The following ANKDD1A variants were observed in gnomAD, a reference collection of about 807,000 sequenced individuals.
The protein encoded by ANKDD1A is ankyrin repeat and death domain containing 1A, also known as ankyrin repeat and death domain-containing protein 1A.
Under a neutral mutation model 63.5 loss-of-function variants are expected in ANKDD1A, and 59 were observed. That is an observed-to-expected ratio of 0.93 (90% CI 0.75 to 1.15). The LOEUF is 1.15. Ranked by LOEUF, ANKDD1A falls within the 50% of genes most tolerant of loss-of-function variation. The probability of loss-of-function intolerance (pLI) is 0.00; values close to 1 mark genes in which losing one functional copy is unlikely to be tolerated. For missense variants in ANKDD1A, 632 were observed against 656.4 expected (o/e 0.96, Z 0.41); for synonymous variants, 266 against 263.9 (o/e 1.01, Z -0.08).
rs140684706 is a variant in ANKDD1A, at chr15:64,931,530, C to G, written c.713C>G (p.Pro238Arg). ...ALHSAAGGSH[P>R]DCVQLLLRAG... The stretch of plus-strand genomic sequence containing the variant: ...CATTCGGCTGCTGGAGGATCCCACC[C>G]TGACTGTGTGCAGCTCCTCCTCAGG... The change falls in exon 8 of 15, where the codon CCT becomes CGT. Residue 238 changes from proline (P) to arginine (R), a missense_variant. Coordinates refer to ENST00000319580, the MANE Select transcript of ANKDD1A (RefSeq NM_182703.6). The G allele has an allele frequency of 3.7e-4, 599 of 1,614,008 alleles. No individual in the cohort carries two copies. Among genetic ancestry groups the G allele is most frequent in the Non-Finnish European group, 4.7e-4 (554 of 1,180,032 alleles).
intron 4 of ANKDD1A, among the ~76,000 whole-genome samples, chr15:64,923,814 G>A (rs2140367993): frequency 6.6e-6 from 1 of 152,338 alleles, no homozygotes; most frequent in African/African-American, 2.4e-5. Context: ...TGGCCCTGGG[G>A]AATCCAGTGC....
At chr15:64,945,896 T>C (rs2085219481) in intron 12 of ANKDD1A, among the ~76,000 whole-genome samples, 1 of 151,668 alleles carries the variant, frequency 6.6e-6, no homozygotes, top group Non-Finnish European at 1.5e-5. Context: ...CCTCCCAAAG[T>C]GCTGGGATTA....
In ANKDD1A at chr15:64,952,571, C is replaced by G. The variant is rs575477025; in HGVS notation, c.1483+2599C>G. Among the ~76,000 whole-genome samples the G allele has an allele frequency of 4.7e-4, 38 of 81,014 alleles. 1 individual carries two copies. The highest frequency in any genetic ancestry group is 8.8e-3 in the Middle Eastern group (1 of 114). The allele number at this position is 81,014 out of a possible 152,430, so 53.1% of individuals were successfully genotyped here. ...TCCTCCTTCCTTCTCCTTCGTTCTT[C>G]TTCTCCTTCTTTTCTTCTTCTTCCT... On this transcript the variant is annotated intron_variant, in intron 14 of 14. Transcript: ENST00000319580.
chr15:64,938,396 A>T (rs946756156), intron 9 of ANKDD1A, among the ~76,000 whole-genome samples: 1 of 152,184 alleles, frequency 6.6e-6, no homozygotes, highest in Non-Finnish European at 1.5e-5. Context: ...TACCCTTGAT[A>T]ATGGTGTGAT....
intron 14 of ANKDD1A, among the ~76,000 whole-genome samples, chr15:64,951,792 CTT>C (rs775763198): frequency 1.1e-4 from 13 of 114,780 alleles, no homozygotes; most frequent in South Asian, 8.2e-4. Context: ...CTTCTTCCTT[CTT>C]TCTTTCCTCT....
At chr15:64,951,158 A>C in intron 14 of ANKDD1A, 1 of 1,099,196 alleles carries the variant, frequency 9.1e-7, no homozygotes, top group Non-Finnish European at 1.1e-6. Context: ...AGTCATGCAG[A>C]GCCCAGGAGG....
At chr15:64,915,316 A>G (rs971234816) in intron 1 of ANKDD1A, among the ~76,000 whole-genome samples, 1 of 152,200 alleles carries the variant, frequency 6.6e-6, no homozygotes, top group African/African-American at 2.4e-5. Flanking sequence ...GTGGAGGAAC[A>G]AGGAGACGGA....
chr15:64,915,560 T>G (rs958667822), intron 1 of ANKDD1A, among the ~76,000 whole-genome samples: 5 of 152,152 alleles, frequency 3.3e-5, no homozygotes, highest in African/African-American at 1.2e-4. Flanking sequence ...TCTTCCATCT[T>G]CAGGGTTTCA....
At chr15:64,954,912 CTTCTCTCTCCTTCTT>C (rs2085402475) in intron 14 of ANKDD1A, among the ~76,000 whole-genome samples, 1 of 67,282 alleles carries the variant, frequency 1.5e-5, no homozygotes, top group African/African-American at 3.6e-5. Flanking sequence ...TCTCTTGTCT[CTTCTCTCTCCTTCTT>C]CTCCTTCTTC....
At chr15:64,953,419 CCTT>C (rs984296890) in intron 14 of ANKDD1A, among the ~76,000 whole-genome samples, 3 of 18,980 alleles carry the variant, frequency 1.6e-4, no homozygotes, top group African/African-American at 2.4e-4. Context: ...CCTCCTCCTC[CCTT>C]CTTCTTCCTC....
chr15:64,941,754 G>A (rs1352793173), intron 9 of ANKDD1A, among the ~76,000 whole-genome samples: 2 of 152,262 alleles, frequency 1.3e-5, no homozygotes, highest in Non-Finnish European at 2.9e-5. Context: ...ACCTAGAGAG[G>A]GGGGAGTATC....
chr15:64,925,652 A>G (rs1262636855), intron 4 of ANKDD1A, among the ~76,000 whole-genome samples: 2 of 152,158 alleles, frequency 1.3e-5, no homozygotes, highest in Non-Finnish European at 2.9e-5. Flanking sequence ...TCTGGAGGCT[A>G]CTAGTGCTAC....
intron 13 of ANKDD1A, among the ~76,000 whole-genome samples, chr15:64,949,477 A>C: frequency 6.6e-6 from 1 of 152,224 alleles, no homozygotes; most frequent in East Asian, 1.9e-4. Flanking sequence ...TTGAGCAGCC[A>C]GAGAGGTGAA....
chr15:64,918,530 A>G (rs1237729115), intron 3 of ANKDD1A, among the ~76,000 whole-genome samples: 1 of 152,156 alleles, frequency 6.6e-6, no homozygotes, highest in Non-Finnish European at 1.5e-5. Flanking sequence ...GAAACACTAG[A>G]GCCTCTTGCA....
chr15:64,950,351 C>T (rs902980003), intron 14 of ANKDD1A: 5 of 985,222 alleles, frequency 5.1e-6, no homozygotes, highest in Non-Finnish European at 6.0e-6. Context: ...CCAAAACTGA[C>T]TTAATATGAG....
chr15:64,926,223 G>A (rs1666007289), intron 5 of ANKDD1A, 53 bp downstream of exon 5: 20 of 1,541,690 alleles, frequency 1.3e-5, no homozygotes, highest in Non-Finnish European at 1.7e-5. Context: ...GGGCTCCTGG[G>A]GCCACTCTTG....
At chr15:64,952,337 C>CCTCCTT (rs1555366963) in intron 14 of ANKDD1A, among the ~76,000 whole-genome samples, 1 of 141,418 alleles carries the variant, frequency 7.1e-6, no homozygotes, top group Non-Finnish European at 1.5e-5. Flanking sequence ...TCTTCCTTCT[C>CCTCCTT]CTTCTTCTTA....
At chr15:64,940,144 T>TAAA (rs60623769) in intron 9 of ANKDD1A, among the ~76,000 whole-genome samples, 3 of 145,100 alleles carry the variant, frequency 2.1e-5, no homozygotes, top group Non-Finnish European at 3.0e-5. Flanking sequence ...AACTCAACAG[T>TAAA]AAAAAAAAAA....
chr15:64,928,355 G>A (rs146597895), intron 6 of ANKDD1A, among the ~76,000 whole-genome samples: 122 of 152,344 alleles, frequency 8.0e-4, no homozygotes, highest in African/African-American at 2.6e-3. Flanking sequence ...TGCCTGCCAG[G>A]ACTGGCAAAC....
Sources: allele counts gnomAD v4.1 joint callset (sites outside exome capture counted in the v4.1 genomes callset), GRCh38; gene constraint gnomAD v4.1.1; transcripts MANE v1.5; gene names NCBI Gene and HGNC (gene_info 2026-07-23, HGNC 2026-07-21).